The following EML6 variants were observed in gnomAD, a reference collection of about 807,000 sequenced individuals.
EML6 encodes the protein EMAP like 6.
In EML6, 154 loss-of-function variants were observed where a neutral mutation model predicts 240.1. The ratio of observed to expected loss-of-function variants is 0.64; its 90% CI spans 0.56 to 0.73. The LOEUF is 0.73. Ranked by LOEUF, EML6 falls within the 30% of genes least tolerant of loss-of-function variation. The pLI is 0.00. For synonymous variants in EML6, 1,148 were observed against 899.0 expected (o/e 1.28, Z -4.95); for missense variants, 2,964 against 2,474.6 (o/e 1.20, Z -4.20).
chr2:54,958,557 G>GT (rs1283673168), intron 33 of EML6, among the ~76,000 whole-genome samples: 1 of 152,086 alleles, frequency 6.6e-6, no homozygotes, highest in African/African-American at 2.4e-5. Flanking sequence ...CAGGAGGTTT[G>GT]TTGTTCTAAA....
chr2:54,949,808 C>T (rs976907638), intron 29 of EML6, among the ~76,000 whole-genome samples: 2 of 152,224 alleles, frequency 1.3e-5, no homozygotes, highest in Non-Finnish European at 2.9e-5. Flanking sequence ...CCAAACCCAC[C>T]GCTAGTGTTC....
At chr2:54,968,374 C>A in intron 40 of EML6, 93 bp downstream of exon 40, 1 of 1,188,290 alleles carries the variant, frequency 8.4e-7, no homozygotes, top group Non-Finnish European at 1.2e-6. Context: ...CTGGGAGACA[C>A]AGAGAAACCC....
In EML6 at chr2:54,870,621, G is replaced by T. The variant is rs139098552; in HGVS notation, c.2239-879G>T. Among the ~76,000 whole-genome samples the T allele has an allele frequency of 4.0e-3, 606 of 152,042 alleles. 5 individuals carry two copies. Among genetic ancestry groups the T allele is most frequent in the African/African-American group, 0.01 (421 of 41,508 alleles). ...TTTCACTTGCCCTTATTTTTTGTCT[G>T]TCTTATAAACAGATGGTGCTTGATT... On this transcript the variant is annotated intron_variant, in intron 15 of 41. Coordinates refer to ENST00000356458, the MANE Select transcript of EML6 (RefSeq NM_001039753.4).
intron 2 of EML6, among the ~76,000 whole-genome samples, chr2:54,798,554 A>G (rs1285490029): frequency 2.0e-5 from 3 of 152,152 alleles, no homozygotes; most frequent in African/African-American, 4.8e-5. Flanking sequence ...TTTTGATGCT[A>G]TTATAAGTGG....
chr2:54,913,146 T>C (rs1418875080), intron 25 of EML6, among the ~76,000 whole-genome samples: 3 of 151,866 alleles, frequency 2.0e-5, no homozygotes, highest in African/African-American at 7.3e-5. Flanking sequence ...TGGTTTTGAT[T>C]AGCATTTCTC....
chr2:54,964,236 C>A, intron 37 of EML6, 78 bp downstream of exon 37: 2 of 1,437,626 alleles, frequency 1.4e-6, no homozygotes, highest in Non-Finnish European at 9.3e-7. Context: ...CCAGCCACGG[C>A]TGGAATAAAG....
intron 41 of EML6, 111 bp from the exon 42 acceptor site, chr2:54,969,960 C>A (rs751788486): frequency 9.0e-6 from 10 of 1,114,658 alleles, no homozygotes; most frequent in African/African-American, 1.5e-5. Context: ...TCAAAATGTT[C>A]AATACATCAC....
intron 25 of EML6, among the ~76,000 whole-genome samples, chr2:54,914,670 C>T (rs576628169): frequency 6.6e-6 from 1 of 152,272 alleles, no homozygotes; most frequent in Admixed American, 6.5e-5. Flanking sequence ...TGGCCAACTT[C>T]CCTAGTAGTG....
At chr2:54,898,589 T>C (rs1413618679) in intron 21 of EML6, among the ~76,000 whole-genome samples, 3 of 152,232 alleles carry the variant, frequency 2.0e-5, no homozygotes, top group Non-Finnish European at 1.5e-5. Flanking sequence ...TTTGGAACTT[T>C]ACATCTTCTG....
Position 54,734,788 on chromosome 2 carries a change from C to A in EML6, c.197+9530C>A, listed in dbSNP as rs550520499. ...GAGTGAAAAGGTTTCACGAGTGAAC[C>A]GTTGGATGATTTAGTGAGTGTAGCT... On this transcript the variant is annotated intron_variant, in intron 2 of 41. Coordinates refer to ENST00000356458, the MANE Select transcript of EML6 (RefSeq NM_001039753.4). Among the ~76,000 whole-genome samples the A allele has an allele frequency of 5.3e-5, 8 of 152,278 alleles. No homozygotes were observed. In the East Asian group the frequency reaches 1.5e-3, roughly 29 times the overall value.
chr2:54,731,839 A>G (rs1400179371), intron 2 of EML6, among the ~76,000 whole-genome samples: 2 of 152,142 alleles, frequency 1.3e-5, no homozygotes, highest in East Asian at 1.9e-4. Context: ...AGCCTCTCCT[A>G]TCCTCAAGGT....
chr2:54,904,044 T>C (rs1673193371), intron 24 of EML6, among the ~76,000 whole-genome samples: 1 of 152,222 alleles, frequency 6.6e-6, no homozygotes, highest in Non-Finnish European at 1.5e-5. Context: ...GTCTATTTAA[T>C]AACTCTAGCT....
chr2:54,811,983 A>G (rs760489542), intron 2 of EML6, among the ~76,000 whole-genome samples: 232 of 152,318 alleles, frequency 1.5e-3, no homozygotes, highest in Middle Eastern at 0.014. Context: ...TCCAGCAAGC[A>G]CTTTTCAGAT....
rs1294601815 is a variant in EML6, at chr2:54,928,396, G to C, written c.3759G>C (p.Leu1253=). 4.5e-6 allele frequency: 7 copies of C among 1,551,656 alleles called. No individual in the cohort carries two copies. Among genetic ancestry groups the C allele is most frequent in the Non-Finnish European group, 6.1e-6 (7 of 1,146,992 alleles). ...NVRWLHNDSV[L]LTVGGADTAL... ...GGTGGCTGCACAATGACTCTGTGCT[G>C]CTCACGGTGGGCGGCGCCGACACAG... Residue 1253 remains leucine, a synonymous_variant, in exon 27 of 42, where the codon CTG becomes CTC. Transcript: ENST00000356458.
intron 7 of EML6, among the ~76,000 whole-genome samples, chr2:54,836,766 A>T (rs1669170075): frequency 6.6e-6 from 1 of 152,088 alleles, no homozygotes; most frequent in African/African-American, 2.4e-5. Flanking sequence ...GGAATTCCTA[A>T]TCGTTTTTTA....
intron 24 of EML6, 48 bp downstream of exon 24, chr2:54,903,550 T>A (rs1056415948): frequency 1.7e-5 from 25 of 1,502,598 alleles, no homozygotes; most frequent in Non-Finnish European, 2.2e-5. Flanking sequence ...GTTTAAAAAA[T>A]GTCCATTTAT....
intron 9 of EML6, among the ~76,000 whole-genome samples, chr2:54,849,304 T>C (rs6545449): frequency 0.46 from 69,445 of 152,026 alleles, 16,105 homozygotes; most frequent in Middle Eastern, 0.52. Flanking sequence ...TTTGGAAATA[T>C]CTGATAGATT....
chr2:54,970,166 G>A lies in EML6; in HGVS notation c.*71G>A. 1 of 1,465,694 alleles carries A rather than the reference G, an allele frequency of 6.8e-7. No homozygotes were observed. Among genetic ancestry groups the A allele is most frequent in the South Asian group, 1.2e-5 (1 of 82,396 alleles). The allele number at this position is 1,465,694 out of a possible 1,614,324, so 90.8% of individuals were successfully genotyped here. ...GCAACTGCAGAGGCCATGCTGAGGT[G>A]CCTCCTTGCCACCAGCCGTTGGGAA... On this transcript the variant is annotated 3_prime_UTR_variant, in exon 42 of 42. Transcript: ENST00000356458.
chr2:54,899,890 A>T (rs1672966328), intron 22 of EML6, 108 bp downstream of exon 22: 2 of 1,078,612 alleles, frequency 1.9e-6, no homozygotes, highest in Non-Finnish European at 2.6e-6. Context: ...ATATGCCCAT[A>T]AATATGCTGG....
Sources: allele counts gnomAD v4.1 joint callset (sites outside exome capture counted in the v4.1 genomes callset), GRCh38; gene constraint gnomAD v4.1.1; transcripts MANE v1.5; gene names NCBI Gene and HGNC (gene_info 2026-07-23, HGNC 2026-07-21).